Variants in CCR4 observed in about 807,000 individuals in gnomAD.
CCR4 encodes C-C chemokine receptor type 4.
CCR4 carries 9 observed loss-of-function variants against 17.1 expected under a neutral mutation model. The ratio of observed to expected loss-of-function variants is 0.53; its 90% CI spans 0.32 to 0.92. The LOEUF (loss-of-function observed/expected upper bound fraction) is 0.92, where lower values mean the gene tolerates loss of function less well. Among genes scored for constraint, CCR4 ranks in the 40% least tolerant of loss-of-function variants. The probability of loss-of-function intolerance (pLI) is 0.04; values close to 1 mark genes in which losing one functional copy is unlikely to be tolerated. For synonymous variants in CCR4, 217 were observed against 174.3 expected, an observed-to-expected ratio of 1.24 and a Z score of -1.93; for missense variants, 385 against 433.9, an observed-to-expected ratio of 0.89 and a Z score of 1.00.
rs1306149873 is a variant in CCR4 at position 32,953,612 on chromosome 3, C to T, written c.190C>T (p.Leu64=). 1 of 1,613,988 alleles carries T rather than the reference C, an allele frequency of 6.2e-7. No individual in the cohort carries two copies. The highest frequency in any genetic ancestry group is 8.5e-7 in the Non-Finnish European group (1 of 1,180,008). ...LLGNSVVVLV[L]FKYKRLRSMT... ...TGGAAATTCTGTGGTGGTTCTGGTC[C>T]TGTTCAAATACAAGCGGCTCAGGTC... Residue 64 remains leucine (L), a synonymous_variant, in exon 2 of 2, where the codon CTG becomes TTG. Transcript: ENST00000330953.
At position 32,953,741 on chromosome 3, in the gene CCR4, C is replaced by A; in HGVS notation, c.319C>A (p.Leu107Ile). 2 of 1,614,044 alleles carry A rather than the reference C, an allele frequency of 1.2e-6. No homozygotes were observed. Among genetic ancestry groups the A allele is most frequent in the Non-Finnish European group, 1.7e-6 (2 of 1,180,028 alleles). The change falls in exon 2 of 2, where the codon CTA becomes ATA. Residue 107 changes from leucine (L) to isoleucine (I), a missense_variant. Leu to Ile is a conservative substitution (Grantham distance 5). Transcript: ENST00000330953. ...TGCAGCAGACCAGTGGGTTTTTGGG[C>A]TAGGTCTGTGCAAGATGATTTCCTG... ...YYAADQWVFG[L>I]GLCKMISWMY...
rs41501044 is a variant in CCR4, at chr3:32,955,271, G to C, written c.*766G>C. The C allele has an allele frequency of 3.0e-5, 5 of 166,742 alleles. No individual in the cohort carries two copies. Among genetic ancestry groups the C allele is most frequent in the African/African-American group, 1.2e-4 (5 of 41,402 alleles). 10.3% of individuals were successfully genotyped at this position (166,742 alleles called of 1,614,324 possible). On this transcript the variant is annotated 3_prime_UTR_variant, in exon 2 of 2. Transcript: ENST00000330953. ...AAAAAATTTTAAATAGGCTGGGCAC[G>C]GTGGCCTGTAATCCCAGCACTGTGG...
intron 1 of CCR4, among the ~76,000 whole-genome samples, chr3:32,952,712 G>T (rs1001107718): frequency 1.3e-5 from 2 of 152,198 alleles, no homozygotes; most frequent in African/African-American, 4.8e-5. Flanking sequence ...AAGGAAGCAA[G>T]GGAGTGGCCT....
In CCR4 at chr3:32,954,295, T is replaced by C; in HGVS notation, c.873T>C (p.Thr291=). 6.2e-7 allele frequency: 1 copy of C among 1,614,046 alleles called. No individual in the cohort carries two copies. The highest frequency in any genetic ancestry group is 8.5e-7 in the Non-Finnish European group (1 of 1,180,020). ...YLDYAIQATE[T]LAFVHCCLNP... ...ACTATGCCATCCAGGCCACAGAAAC[T>C]CTGGCTTTTGTTCACTGCTGCCTTA... Residue 291 remains threonine, a synonymous_variant, in exon 2 of 2, where the codon ACT becomes ACC. Coordinates refer to ENST00000330953, the MANE Select transcript of CCR4 (RefSeq NM_005508.5).
In CCR4 at chr3:32,955,991, C is replaced by G. The variant is rs1199883048; in HGVS notation, c.*1486C>G. ...ACCCAAGCTGGAGTGCAGTGGCACT[C>G]GGTTCACTGCAAAGTCTGCCTCCCA... On this transcript the variant is annotated 3_prime_UTR_variant, in exon 2 of 2. Coordinates refer to ENST00000330953, the MANE Select transcript of CCR4 (RefSeq NM_005508.5). The G allele has an allele frequency of 6.5e-6, 1 of 154,414 alleles. No individual in the cohort carries two copies. 9.6% of individuals were successfully genotyped at this position (154,414 alleles called of 1,614,324 possible).
Position 32,954,010 on chromosome 3 carries a change from G to T in CCR4, c.588G>T (p.Thr196=). 1 of 1,614,090 alleles carries T rather than the reference G, an allele frequency of 6.2e-7. No homozygotes were observed. The highest frequency in any genetic ancestry group is 8.5e-7 in the Non-Finnish European group (1 of 1,180,022). ...YCKTKYSLNS[T]TWKVLSSLEI... ...AAACCAAGTACTCTCTCAACTCCACGACGTGGAAGGTTCTCAGCTCCCTGG... is the reference window on the plus strand; with the variant it reads ...AAACCAAGTACTCTCTCAACTCCACTACGTGGAAGGTTCTCAGCTCCCTGG... The change falls in exon 2 of 2, where the codon ACG becomes ACT. Residue 196 remains threonine, a synonymous_variant. Coordinates refer to ENST00000330953, the MANE Select transcript of CCR4 (RefSeq NM_005508.5).
rs1288151895 is a variant in CCR4, at chr3:32,955,550, A to C, written c.*1045A>C. On this transcript the variant is annotated 3_prime_UTR_variant, in exon 2 of 2. Coordinates refer to ENST00000330953, the MANE Select transcript of CCR4 (RefSeq NM_005508.5). ...GAAACTCTGTCTCAAAAAAAAAAAA[A>C]AAAAATTAAATAATACATAGGCCAA... 1 of 165,850 alleles carries C rather than the reference A, an allele frequency of 6.0e-6. No homozygotes were observed. The highest frequency in any genetic ancestry group is 1.5e-5 in the Non-Finnish European group (1 of 67,866). 10.3% of individuals were successfully genotyped at this position (165,850 alleles called of 1,614,324 possible). A position where few individuals can be genotyped will look rare whatever the true frequency, so the allele number is the denominator to read the frequency against.
Position 32,953,427 on chromosome 3 carries a change from ACCC to A in CCR4, c.7_9del (p.Pro3del). 1 of 1,599,146 alleles carries A rather than the reference ACCC, an allele frequency of 6.3e-7. No individual in the cohort carries two copies. The highest frequency in any genetic ancestry group is 8.5e-7 in the Non-Finnish European group (1 of 1,173,050). ...AGGAGCCTGTAGAGTTAAAAAATGA[ACCC>A]CACGGATATAGCAGACACCACCCTC... On this transcript the variant is annotated inframe_deletion, in exon 2 of 2. Coordinates refer to ENST00000330953, the MANE Select transcript of CCR4 (RefSeq NM_005508.5).
In CCR4 at chr3:32,954,364, C is replaced by T. The variant is rs750896533; in HGVS notation, c.942C>T (p.Tyr314=). 25 of 1,614,012 alleles carry T rather than the reference C, an allele frequency of 1.5e-5. No individual in the cohort carries two copies. The highest frequency in any genetic ancestry group is 8.5e-7 in the Non-Finnish European group (1 of 1,180,020). Residue 314 remains tyrosine, a synonymous_variant, in exon 2 of 2, where the codon TAC becomes TAT. Coordinates refer to ENST00000330953, the MANE Select transcript of CCR4 (RefSeq NM_005508.5). The part of the protein sequence containing the change: ...YFFLGEKFRK[Y]ILQLFKTCRG... ...TTCTGGGGGAGAAATTTCGCAAGTA[C>T]ATCCTACAGCTCTTCAAAACCTGCA...
rs891653598 is a variant in CCR4, at chr3:32,955,919, TTTTTA to T, written c.*1434_*1438del. 6.1e-5 allele frequency: 9 copies of T among 146,550 alleles called. No individual in the cohort carries two copies. Among genetic ancestry groups the T allele is most frequent in the Non-Finnish European group, 1.1e-4 (7 of 66,518 alleles). 9.1% of individuals were successfully genotyped at this position (146,550 alleles called of 1,614,324 possible). On this transcript the variant is annotated 3_prime_UTR_variant, in exon 2 of 2. Transcript: ENST00000330953. ...CCATCACGCCCGGCCACTTGTTTAT[TTTTTA>T]TTTTATTTTATTTTATTTTTGAGAT...
In CCR4 at chr3:32,954,627, A is replaced by G; in HGVS notation, c.*122A>G. On this transcript the variant is annotated 3_prime_UTR_variant, in exon 2 of 2. Coordinates refer to ENST00000330953, the MANE Select transcript of CCR4 (RefSeq NM_005508.5). ...GAGGAAGGCTTACACCCACAGTGGA[A>G]AGACAGCTTCTCATCCTGCAGGCAG... The G allele has an allele frequency of 9.1e-7, 1 of 1,100,024 alleles. No homozygotes were observed. The highest frequency in any genetic ancestry group is 1.2e-6 in the Non-Finnish European group (1 of 804,716). The allele number at this position is 1,100,024 out of a possible 1,614,324, so 68.1% of individuals were successfully genotyped here.
In CCR4 at chr3:32,954,677, C is replaced by G; in HGVS notation, c.*172C>G. 1 of 670,866 alleles carries G rather than the reference C, an allele frequency of 1.5e-6. No individual in the cohort carries two copies. The highest frequency in any genetic ancestry group is 2.4e-6 in the Non-Finnish European group (1 of 422,274). The allele number at this position is 670,866 out of a possible 1,614,324, so 41.6% of individuals were successfully genotyped here. On this transcript the variant is annotated 3_prime_UTR_variant, in exon 2 of 2. Coordinates refer to ENST00000330953, the MANE Select transcript of CCR4 (RefSeq NM_005508.5). Reference sequence around the variant, plus strand: ...GCTTTTTCTCTCCCACTAGACAAGTCCAGCCTGGCAAGGGTTCACCTGGGC... The same window carrying G: ...GCTTTTTCTCTCCCACTAGACAAGTGCAGCCTGGCAAGGGTTCACCTGGGC...
chr3:32,954,650 C>A lies in CCR4; in HGVS notation c.*145C>A. 1 of 916,454 alleles carries A rather than the reference C, an allele frequency of 1.1e-6. No individual in the cohort carries two copies. Among genetic ancestry groups the A allele is most frequent in the Non-Finnish European group, 1.6e-6 (1 of 642,336 alleles). 56.8% of individuals were successfully genotyped at this position (916,454 alleles called of 1,614,324 possible). A position where few individuals can be genotyped will look rare whatever the true frequency, so the allele number is the denominator to read the frequency against. On this transcript the variant is annotated 3_prime_UTR_variant, in exon 2 of 2. Transcript: ENST00000330953. Reference sequence around the variant, plus strand: ...GAAAGACAGCTTCTCATCCTGCAGGCAGCTTTTTCTCTCCCACTAGACAAG... The same window carrying A: ...GAAAGACAGCTTCTCATCCTGCAGGAAGCTTTTTCTCTCCCACTAGACAAG...
In CCR4 at chr3:32,953,844, A is replaced by T; in HGVS notation, c.422A>T (p.His141Leu). The T allele has an allele frequency of 1.2e-6, 2 of 1,614,068 alleles. No homozygotes were observed. Among genetic ancestry groups the T allele is most frequent in the Non-Finnish European group, 1.7e-6 (2 of 1,180,014 alleles). The change falls in exon 2 of 2, where the codon CAC becomes CTC. Residue 141 changes from histidine (H) to leucine (L), a missense_variant. His to Leu is a moderately conservative substitution (Grantham distance 99). Transcript: ENST00000330953. ...ATTGATAGATACCTGGCAATTGTGC[A>T]CGCGGTGTTTTCCTTGAGGGCAAGG... ...MSIDRYLAIV[H>L]AVFSLRARTL... is the part of the protein sequence containing the mutation.
Position 32,954,542 on chromosome 3 carries a change from T to C in CCR4, c.*37T>C, listed in dbSNP as rs1695677246. On this transcript the variant is annotated 3_prime_UTR_variant, in exon 2 of 2. Transcript: ENST00000330953. Reference sequence around the variant, plus strand: ...GGTGAAATGCAGAGTCAATGAACTTTCCACATTCAGAGCTTACTTAAAATT... The same window carrying C: ...GGTGAAATGCAGAGTCAATGAACTTCCCACATTCAGAGCTTACTTAAAATT... 2 of 1,497,484 alleles carry C rather than the reference T, an allele frequency of 1.3e-6. No individual in the cohort carries two copies. The highest frequency in any genetic ancestry group is 1.8e-6 in the Non-Finnish European group (2 of 1,126,486). 92.8% of individuals were successfully genotyped at this position (1,497,484 alleles called of 1,614,324 possible). A position where few individuals can be genotyped will look rare whatever the true frequency, so the allele number is the denominator to read the frequency against.
Position 32,954,403 on chromosome 3 carries a change from G to A in CCR4, c.981G>A (p.Val327=). ...TCAAAACCTGCAGGGGCCTTTTTGT[G>A]CTCTGCCAATACTGTGGGCTCCTCC... ...QLFKTCRGLF[V]LCQYCGLLQI... Residue 327 remains valine (V), a synonymous_variant, in exon 2 of 2, where the codon GTG becomes GTA. Coordinates refer to ENST00000330953, the MANE Select transcript of CCR4 (RefSeq NM_005508.5). 1 of 1,611,882 alleles carries A rather than the reference G, an allele frequency of 6.2e-7. No homozygotes were observed. Among genetic ancestry groups the A allele is most frequent in the Non-Finnish European group, 8.5e-7 (1 of 1,179,074 alleles).
At position 32,953,493 on chromosome 3, in the gene CCR4, G is replaced by C; in HGVS notation, c.71G>C (p.Ser24Thr). The change falls in exon 2 of 2, where the codon AGT becomes ACT. Residue 24 changes from serine (S) to threonine (T), a missense_variant. Transcript: ENST00000330953. Reference sequence around the variant, plus strand: ...TACAGCAATTACTATCTGTATGAAAGTATCCCCAAGCCTTGCACCAAAGAA... The same window carrying C: ...TACAGCAATTACTATCTGTATGAAACTATCCCCAAGCCTTGCACCAAAGAA... Reference protein sequence around the residue: ...SIYSNYYLYESIPKPCTKEGI... With the variant: ...SIYSNYYLYETIPKPCTKEGI... 1.3e-5 allele frequency: 21 copies of C among 1,614,092 alleles called. No individual in the cohort carries two copies. Among genetic ancestry groups the C allele is most frequent in the Non-Finnish European group, 1.8e-5 (21 of 1,180,022 alleles).
rs1182765863 is a variant in CCR4, at chr3:32,954,575, A to G, written c.*70A>G. 4 of 1,444,494 alleles carry G rather than the reference A, an allele frequency of 2.8e-6. No homozygotes were observed. The highest frequency in any genetic ancestry group is 3.7e-6 in the Non-Finnish European group (4 of 1,090,982). The allele number at this position is 1,444,494 out of a possible 1,614,324, so 89.5% of individuals were successfully genotyped here. A position where few individuals can be genotyped will look rare whatever the true frequency, so the allele number is the denominator to read the frequency against. The stretch of plus-strand genomic sequence containing the variant: ...CAGAGCTTACTTAAAATTGTATTTT[A>G]GTAAGAGATTCCTGAGCCAGTGTCA... On this transcript the variant is annotated 3_prime_UTR_variant, in exon 2 of 2. Coordinates refer to ENST00000330953, the MANE Select transcript of CCR4 (RefSeq NM_005508.5).
chr3:32,952,236 C>A (rs979381494), intron 1 of CCR4, among the ~76,000 whole-genome samples: 1 of 151,572 alleles, frequency 6.6e-6, no homozygotes, highest in Non-Finnish European at 1.5e-5. Flanking sequence ...TTCTTTTTTT[C>A]TTTTTCTTTT....
Sources: allele counts gnomAD v4.1 joint callset (sites outside exome capture counted in the v4.1 genomes callset), GRCh38; gene constraint gnomAD v4.1.1; transcripts MANE v1.5; gene names NCBI Gene and HGNC (gene_info 2026-07-23, HGNC 2026-07-21).